HIBCH: variants seen among roughly 807,000 people sequenced by gnomAD.
HIBCH encodes the protein 3-hydroxyisobutyryl-CoA hydrolase, mitochondrial.
In HIBCH, 50 loss-of-function variants were observed where a neutral mutation model predicts 58.2. That is an observed-to-expected ratio of 0.86 (90% CI 0.68 to 1.09). HIBCH has a LOEUF of 1.09. HIBCH is among the 50% of genes least tolerant of loss of function. The probability of loss-of-function intolerance (pLI) is 0.00; values close to 1 mark genes in which losing one functional copy is unlikely to be tolerated. For synonymous variants in HIBCH, 151 were observed against 146.9 expected (o/e 1.03, Z -0.20); for missense variants, 450 against 449.7 (o/e 1.00, Z -0.01).
rs1396406276 is a variant in HIBCH at position 190,281,629 on chromosome 2, C to G, written c.438+5957G>C. ...TTGCTGCGCCACACCTTGGTTTCCT[C>G]TCCCAAAAAGTTTTTTCACTCTTTA... On this transcript the variant is annotated intron_variant, in intron 6 of 13. Transcript: ENST00000359678. This position sits in a 1 kb window ranked among gnomAD's most constrained non-coding sequence, Gnocchi z 5.4. Among the ~76,000 whole-genome samples, 1 of 152,330 alleles carries G rather than the reference C, an allele frequency of 6.6e-6. No homozygotes were observed. Among genetic ancestry groups the G allele is most frequent in the East Asian group, 1.9e-4 (1 of 5,188 alleles).
At chr2:190,237,523 G>T (rs11684995) in intron 11 of HIBCH, among the ~76,000 whole-genome samples, 31,020 of 152,052 alleles carry the variant, frequency 0.2, 3,404 homozygotes, top group East Asian at 0.32. Flanking sequence ...GTAAATATAA[G>T]CATTTGTGTG....
rs189007006 is a variant in HIBCH at position 190,319,409 on chromosome 2, C to G, written c.35+307G>C. On this transcript the variant is annotated intron_variant, in intron 1 of 13. Coordinates refer to ENST00000359678, the MANE Select transcript of HIBCH (RefSeq NM_014362.4). ...AGCTAAATCTGTCCGTGTCCCCAGA[C>G]TGCACCCAACTTTTAAGAAAGGAAA... 7.9e-5 allele frequency among the ~76,000 whole-genome samples: 12 copies of G among 152,356 alleles called. No homozygotes were observed. The East Asian group carries it at 2.1e-3, about 27-fold the overall frequency.
downstream of HIBCH, chr2:190,199,681 T>C: frequency 1.4e-6 from 2 of 1,409,806 alleles, no homozygotes; most frequent in Non-Finnish European, 1.8e-6. Flanking sequence ...AAATGAAACC[T>C]ACCTTCTCTT....
chr2:190,309,024 T>C lies in HIBCH; in HGVS notation c.78+1730A>G, dbSNP rs78032797. On this transcript the variant is annotated intron_variant, in intron 2 of 13. Transcript: ENST00000359678. ...AGAGATAAGGCTACAATCCCTTAAT[T>C]CCTAAAATTTTCTAGATTTTGGAAA... Among the ~76,000 whole-genome samples the C allele has an allele frequency of 4.7e-4, 72 of 152,294 alleles. 1 individual carries two copies. In the East Asian group the frequency reaches 0.013, roughly 28 times the overall value.
chr2:190,238,398 T>C (rs1267783374), intron 11 of HIBCH, among the ~76,000 whole-genome samples: 1 of 152,224 alleles, frequency 6.6e-6, no homozygotes, highest in African/African-American at 2.4e-5. Context: ...CATTGTGGTT[T>C]TGATTTGCAT....
intron 6 of HIBCH, among the ~76,000 whole-genome samples, chr2:190,284,364 A>C (rs965222671): frequency 2.0e-5 from 3 of 152,142 alleles, no homozygotes; most frequent in Admixed American, 2.0e-4. Flanking sequence ...AGAGCAATAT[A>C]ATTCTCAGGC....
At chr2:190,199,912 G>A, downstream of HIBCH, 2 of 1,614,084 alleles carry the variant, frequency 1.2e-6, no homozygotes, top group South Asian at 2.2e-5. Context: ...CATATATGAA[G>A]GTGAGAAGCA....
intron 10 of HIBCH, 30 bp downstream of exon 10, chr2:190,246,124 A>G (rs757772645): frequency 8.0e-7 from 1 of 1,243,170 alleles, no homozygotes; most frequent in Admixed American, 1.7e-5. Context: ...TTTCTAAAGG[A>G]ATATATAACT....
chr2:190,301,299 T>C (rs1268429753), intron 2 of HIBCH, among the ~76,000 whole-genome samples: 1 of 152,144 alleles, frequency 6.6e-6, no homozygotes, highest in Non-Finnish European at 1.5e-5. Flanking sequence ...TAAAGTCTCA[T>C]TCTAGTGGGG....
intron 6 of HIBCH, among the ~76,000 whole-genome samples, chr2:190,278,640 C>T (rs886311644): frequency 6.7e-6 from 1 of 149,414 alleles, no homozygotes; most frequent in African/African-American, 2.5e-5. Flanking sequence ...CAGTTTTTAA[C>T]TTTACCTTCA....
chr2:190,303,893 G>A lies in HIBCH; in HGVS notation c.78+6861C>T, dbSNP rs189579834. On this transcript the variant is annotated intron_variant, in intron 2 of 13. Coordinates refer to ENST00000359678, the MANE Select transcript of HIBCH (RefSeq NM_014362.4). The stretch of plus-strand genomic sequence containing the variant: ...CCACAAATACTCCCTGATATGATGA[G>A]ATTAGAAGGGCACTTTTCCTCTGTC... 2.6e-3 allele frequency among the ~76,000 whole-genome samples: 389 copies of A among 152,194 alleles called. 8 individuals carry two copies. Among genetic ancestry groups the A allele is most frequent in the Non-Finnish European group, 9.0e-4 (61 of 68,026 alleles).
intron 1 of HIBCH, among the ~76,000 whole-genome samples, chr2:190,318,753 T>C (rs1361266406): frequency 6.6e-6 from 1 of 152,232 alleles, no homozygotes; most frequent in East Asian, 1.9e-4. Context: ...GTGTACTGAT[T>C]TTCTTAGCAT....
chr2:190,267,259 C>T (rs1464575270), intron 6 of HIBCH, among the ~76,000 whole-genome samples: 1 of 152,030 alleles, frequency 6.6e-6, no homozygotes, highest in Non-Finnish European at 1.5e-5. Context: ...GGCTGGAGCA[C>T]AGTGGCGTGA....
intron 6 of HIBCH, among the ~76,000 whole-genome samples, chr2:190,262,279 C>T (rs1298553431): frequency 2.0e-5 from 3 of 151,872 alleles, no homozygotes; most frequent in Non-Finnish European, 4.4e-5. Flanking sequence ...AAAATAAACA[C>T]ACAACTTAAA....
downstream of HIBCH, chr2:190,200,066 TCTTGTGTGATGC>T: frequency 3.1e-6 from 5 of 1,614,106 alleles, no homozygotes; most frequent in Non-Finnish European, 4.2e-6. Flanking sequence ...TCTCAGGATA[TCTTGTGTGATGC>T]CTTGCAGCAA....
downstream of HIBCH, chr2:190,200,100 T>C (rs1690179747): frequency 1.2e-6 from 2 of 1,614,086 alleles, no homozygotes; most frequent in South Asian, 2.2e-5. Context: ...GGGCATGCAA[T>C]AACATCAAGT....
intron 1 of HIBCH, among the ~76,000 whole-genome samples, chr2:190,192,792 T>C (rs969247444): frequency 7.2e-5 from 11 of 152,208 alleles, no homozygotes; most frequent in Non-Finnish European, 1.6e-4. Flanking sequence ...TTTGATGCTA[T>C]TGCAAATGGC....
intron 11 of HIBCH, among the ~76,000 whole-genome samples, chr2:190,219,992 T>G (rs1685671419): frequency 2.0e-5 from 3 of 152,150 alleles, no homozygotes; most frequent in African/African-American, 7.2e-5. Flanking sequence ...ATAAATCTAC[T>G]CACCTTGGAA....
At chr2:190,309,719 C>A (rs1688510161) in intron 2 of HIBCH, among the ~76,000 whole-genome samples, 1 of 151,852 alleles carries the variant, frequency 6.6e-6, no homozygotes, top group Non-Finnish European at 1.5e-5. Flanking sequence ...CCATGTCCGG[C>A]TAATTTTTGT....
Sources: allele counts gnomAD v4.1 joint callset (sites outside exome capture counted in the v4.1 genomes callset), GRCh38; gene constraint gnomAD v4.1.1; non-coding constraint Gnocchi (gnomAD v3.1); transcripts MANE v1.5; gene names NCBI Gene and HGNC (gene_info 2026-07-23, HGNC 2026-07-21).